EIF3H: variants seen among roughly 807,000 people sequenced by gnomAD.
The protein encoded by EIF3H is eukaryotic translation initiation factor 3 subunit H, also known as eIF-3-gamma.
EIF3H carries 26 observed loss-of-function variants against 44.2 expected under a neutral mutation model. The ratio of observed to expected loss-of-function variants is 0.59; its 90% confidence interval spans 0.43 to 0.82. The LOEUF is 0.82. Ranked by LOEUF, EIF3H falls within the 40% of genes least tolerant of loss-of-function variation. The probability of loss-of-function intolerance (pLI) is 0.00; values close to 1 mark genes in which losing one functional copy is unlikely to be tolerated. For missense variants in EIF3H, 359 were observed against 432.8 expected, an observed-to-expected ratio of 0.83 and a Z score of 1.51; for synonymous variants, 166 against 151.9, an observed-to-expected ratio of 1.09 and a Z score of -0.68.
chr8:116,728,885 T>C (rs903674138), intron 1 of EIF3H, among the ~76,000 whole-genome samples: 18 of 152,278 alleles, frequency 1.2e-4, no homozygotes, highest in African/African-American at 3.9e-4. Context: ...AATGACACAG[T>C]ATAGAGTTCT....
At chr8:116,654,570 ATGTGTT>A (rs1410251133) in intron 5 of EIF3H, among the ~76,000 whole-genome samples, 19 of 152,334 alleles carry the variant, frequency 1.2e-4, no homozygotes, top group Admixed American at 1.2e-3. Context: ...GGTGTGCCCA[ATGTGTT>A]TGTAAAAGCA....
intron 2 of EIF3H, among the ~76,000 whole-genome samples, chr8:116,712,406 G>C (rs1203178076): frequency 1.3e-5 from 2 of 152,124 alleles, no homozygotes; most frequent in Non-Finnish European, 2.9e-5. Flanking sequence ...TTAGATGTTA[G>C]AGGGCAAAAA....
At chr8:116,661,113 T>C (rs1211604750) in intron 2 of EIF3H, among the ~76,000 whole-genome samples, 3 of 152,194 alleles carry the variant, frequency 2.0e-5, no homozygotes, top group African/African-American at 4.8e-5. Flanking sequence ...ATGATCTCCT[T>C]CTGTTTCGAA....
At chr8:116,652,365 C>A (rs568095297) in intron 5 of EIF3H, among the ~76,000 whole-genome samples, 1 of 152,280 alleles carries the variant, frequency 6.6e-6, no homozygotes, top group South Asian at 2.1e-4. Context: ...ACAGTGACAT[C>A]AAAATTCTAT....
chr8:116,747,049 A>G (rs542121041), intron 1 of EIF3H, among the ~76,000 whole-genome samples: 27 of 151,678 alleles, frequency 1.8e-4, no homozygotes, highest in African/African-American at 6.3e-4. Context: ...GTCTGGTTCA[A>G]TAACATGTTT....
At chr8:116,692,219 T>G (rs756945090) in intron 2 of EIF3H, among the ~76,000 whole-genome samples, 5 of 152,110 alleles carry the variant, frequency 3.3e-5, no homozygotes, top group Non-Finnish European at 7.4e-5. Context: ...TCTGAAAGAC[T>G]CCCTAACTCC....
intron 5 of EIF3H, 140 bp downstream of exon 5, chr8:116,655,716 T>A: frequency 3.5e-6 from 3 of 853,180 alleles, no homozygotes; most frequent in Non-Finnish European, 5.6e-6. Context: ...GCCAGACTAT[T>A]ACTCCATGTT....
intron 6 of EIF3H, among the ~76,000 whole-genome samples, chr8:116,648,422 T>A (rs1813339457): frequency 6.6e-6 from 1 of 152,214 alleles, no homozygotes; most frequent in Non-Finnish European, 1.5e-5. Context: ...TAATCACAAT[T>A]GCTCCGTTTT....
chr8:116,759,170 C>A (rs751115666), upstream of EIF3H, among the ~76,000 whole-genome samples: 6 of 152,142 alleles, frequency 3.9e-5, no homozygotes, highest in Non-Finnish European at 8.8e-5. Context: ...CTTGTATTCG[C>A]AACAAGATGT....
At chr8:116,729,767 G>C (rs1814920153) in intron 1 of EIF3H, among the ~76,000 whole-genome samples, 1 of 152,084 alleles carries the variant, frequency 6.6e-6, no homozygotes, top group Non-Finnish European at 1.5e-5. Flanking sequence ...CTCTCTCTAG[G>C]CAAGGGACAC....
At chr8:116,749,362 C>A (rs1263006078) in intron 1 of EIF3H, among the ~76,000 whole-genome samples, 1 of 152,206 alleles carries the variant, frequency 6.6e-6, no homozygotes, top group Non-Finnish European at 1.5e-5. Flanking sequence ...TGCTATAAAT[C>A]ACCTGATTGT....
At chr8:116,742,867 T>C (rs1815154507) in intron 1 of EIF3H, among the ~76,000 whole-genome samples, 1 of 152,250 alleles carries the variant, frequency 6.6e-6, no homozygotes, top group African/African-American at 2.4e-5. Flanking sequence ...TATGCATGTA[T>C]TATCCAGTGT....
chr8:116,738,558 G>GT (rs33922970), intron 1 of EIF3H, among the ~76,000 whole-genome samples: 1 of 3,670 alleles, frequency 2.7e-4, no homozygotes, highest in African/African-American at 8.3e-4. Context: ...CAGAAAGGCC[G>GT]TTTAAGAGAA....
chr8:116,701,998 T>A (rs1229096542), intron 2 of EIF3H, among the ~76,000 whole-genome samples: 1 of 152,190 alleles, frequency 6.6e-6, no homozygotes, highest in Non-Finnish European at 1.5e-5. Context: ...AATCTAAATT[T>A]TTTTTTTAAA....
intron 5 of EIF3H, among the ~76,000 whole-genome samples, chr8:116,649,216 A>G (rs1188040251): frequency 6.6e-6 from 1 of 152,254 alleles, no homozygotes; most frequent in African/African-American, 2.4e-5. Flanking sequence ...TGAGACATCT[A>G]TAATACATAT....
chr8:116,656,034 C>G (rs751523693), intron 4 of EIF3H, 29 bp from the exon 5 acceptor site: 6 of 1,607,878 alleles, frequency 3.7e-6, no homozygotes, highest in Non-Finnish European at 4.2e-6. Context: ...ATACTTTAGT[C>G]TGATGGTCAA....
upstream of EIF3H, among the ~76,000 whole-genome samples, chr8:116,759,554 G>A (rs1326206526): frequency 1.3e-5 from 2 of 152,118 alleles, no homozygotes; most frequent in Non-Finnish European, 2.9e-5. Context: ...GCAGTAAAAT[G>A]AGTCAGGACA....
intron 2 of EIF3H, among the ~76,000 whole-genome samples, chr8:116,684,358 G>C (rs1814039110): frequency 6.6e-6 from 1 of 152,178 alleles, no homozygotes; most frequent in Non-Finnish European, 1.5e-5. Context: ...TATATCCACT[G>C]TAAAACTGTT....
At chr8:116,709,978 C>T (rs781499075) in intron 2 of EIF3H, among the ~76,000 whole-genome samples, 1 of 152,152 alleles carries the variant, frequency 6.6e-6, no homozygotes, top group Non-Finnish European at 1.5e-5. Context: ...GCTAGTTGGA[C>T]TGGTTACAAA....
Sources: gnomAD v4.1 joint callset for allele counts (sites outside exome capture counted in the v4.1 genomes callset) on GRCh38, gnomAD v4.1.1 for gene constraint, MANE v1.5 for transcripts, NCBI Gene and HGNC (gene_info 2026-07-23, HGNC 2026-07-21) for gene names.